Variants in SMIM45 observed in about 807,000 individuals in gnomAD.
SMIM45 encodes the protein long intergenic non-protein coding RNA 634.
chr22:41,951,299 G>A, the SMIM45 span, among the ~76,000 whole-genome samples: 9 of 152,244 alleles, frequency 5.9e-5, no homozygotes, highest in Non-Finnish European at 1.3e-4. Context: ...GGCATAGGGG[G>A]AGGGGGAGGA....
At chr22:41,953,811 C>T in the SMIM45 span, among the ~76,000 whole-genome samples, 2 of 130,838 alleles carry the variant, frequency 1.5e-5, no homozygotes, top group African/African-American at 2.7e-5. Context: ...AGTGCAGTGG[C>T]GCCGTCTCGG....
the SMIM45 span, among the ~76,000 whole-genome samples, chr22:41,956,723 C>T: frequency 6.6e-6 from 1 of 152,224 alleles, no homozygotes; most frequent in Non-Finnish European, 1.5e-5. Context: ...TTTCCCCTTC[C>T]ATAGGGGAGG....
At chr22:41,954,179 C>A in the SMIM45 span, among the ~76,000 whole-genome samples, 1 of 150,566 alleles carries the variant, frequency 6.6e-6, no homozygotes, top group Non-Finnish European at 1.5e-5. Flanking sequence ...AGGAATAGCA[C>A]CCACGTCCTA....
the SMIM45 span, among the ~76,000 whole-genome samples, chr22:41,954,310 G>A: frequency 2.0e-5 from 3 of 146,594 alleles, no homozygotes; most frequent in Non-Finnish European, 3.0e-5. Context: ...AGGCTCAAGC[G>A]ATTTTCCTGC....
chr22:41,953,748 T>G, the SMIM45 span, among the ~76,000 whole-genome samples: 8 of 73,528 alleles, frequency 1.1e-4, no homozygotes, highest in Non-Finnish European at 1.7e-4. Flanking sequence ...CTGTTTTTTT[T>G]TTTTTTTTTT....
the SMIM45 span, among the ~76,000 whole-genome samples, chr22:41,947,767 G>A: frequency 4.7e-5 from 7 of 149,116 alleles, 1 homozygote; most frequent in Non-Finnish European, 1.0e-4. Context: ...CTGGGCTCAA[G>A]TCATCTTCCT....
chr22:41,958,355 C>G, the SMIM45 span: 2 of 456,526 alleles, frequency 4.4e-6, no homozygotes, highest in African/African-American at 4.0e-5. Context: ...ACCTAAGAAC[C>G]TCGTTTGGAG....
At chr22:41,953,042 C>T in the SMIM45 span, among the ~76,000 whole-genome samples, 4 of 152,198 alleles carry the variant, frequency 2.6e-5, no homozygotes, top group Non-Finnish European at 5.9e-5. Context: ...GTGCTGGGTC[C>T]TACACGCTCC....
the SMIM45 span, among the ~76,000 whole-genome samples, chr22:41,951,754 A>G: frequency 1.3e-5 from 2 of 152,204 alleles, no homozygotes; most frequent in Non-Finnish European, 2.9e-5. Context: ...CTGAACTCTC[A>G]GACTCAGTCT....
the SMIM45 span, chr22:41,947,301 T>A: frequency 1.7e-6 from 1 of 579,874 alleles, no homozygotes. Flanking sequence ...GGTTCCACGC[T>A]CCACAGTAAG....
chr22:41,952,583 C>T, the SMIM45 span, among the ~76,000 whole-genome samples: 29 of 152,308 alleles, frequency 1.9e-4, 1 homozygote, highest in South Asian at 1.7e-3. Context: ...ACCCTGTCAC[C>T]GTGCACAGGG....
chr22:41,957,795 C>G, the SMIM45 span: 1 of 154,104 alleles, frequency 6.5e-6, no homozygotes, highest in African/African-American at 2.4e-5. Flanking sequence ...CTGCAGGAGG[C>G]GCACAAGTGG....
chr22:41,958,415 G>A, the SMIM45 span: 2 of 456,386 alleles, frequency 4.4e-6, no homozygotes, highest in Non-Finnish European at 8.8e-6. Flanking sequence ...CTCAGGCTTG[G>A]AACTGGTGAG....
At chr22:41,951,874 G>T in the SMIM45 span, among the ~76,000 whole-genome samples, 3 of 152,162 alleles carry the variant, frequency 2.0e-5, no homozygotes, top group African/African-American at 7.2e-5. Flanking sequence ...CCAAATGGCA[G>T]ACCATCAAAC....
chr22:41,950,693 G>A, the SMIM45 span, among the ~76,000 whole-genome samples: 1 of 149,678 alleles, frequency 6.7e-6, no homozygotes, highest in African/African-American at 2.5e-5. Context: ...GCAAGACCTT[G>A]TCTTAAAAAA....
At chr22:41,946,973 G>C in the SMIM45 span, 5 of 1,597,144 alleles carry the variant, frequency 3.1e-6, no homozygotes, top group East Asian at 8.9e-5. Flanking sequence ...CTGAAGCACC[G>C]CCCAGGAGGA....
At chr22:41,948,762 T>G in the SMIM45 span, among the ~76,000 whole-genome samples, 1 of 151,916 alleles carries the variant, frequency 6.6e-6, no homozygotes, top group Admixed American at 6.6e-5. Context: ...TACAAAAAAA[T>G]TTTTAAATTA....
the SMIM45 span, among the ~76,000 whole-genome samples, chr22:41,956,859 G>T: frequency 3.9e-5 from 6 of 152,230 alleles, no homozygotes; most frequent in African/African-American, 1.4e-4. Context: ...CGCGATCTTG[G>T]CTCACTGCAA....
At chr22:41,947,061 G>A in the SMIM45 span, 21 of 1,612,774 alleles carry the variant, frequency 1.3e-5, no homozygotes, top group Non-Finnish European at 1.8e-5. Context: ...TTGTCCAGGG[G>A]CCTCAACACC....
Sources: allele counts gnomAD v4.1 joint callset (sites outside exome capture counted in the v4.1 genomes callset), GRCh38; gene constraint gnomAD v4.1.1; transcripts MANE v1.5; gene names NCBI Gene and HGNC (gene_info 2026-07-23, HGNC 2026-07-21).